DOCK3: variants seen among roughly 807,000 people sequenced by gnomAD.
The protein encoded by DOCK3 is dedicator of cytokinesis 3, also known as dedicator of cytokinesis protein 3.
Under a neutral mutation model 265.6 loss-of-function variants are expected in DOCK3, and 60 were observed. The observed-to-expected ratio is 0.23, with a 90% CI of 0.18 to 0.28. The LOEUF (loss-of-function observed/expected upper bound fraction) is 0.28, where lower values mean the gene tolerates loss of function less well. Among genes scored for constraint, DOCK3 ranks in the 10% least tolerant of loss-of-function variants. The pLI is 1.00. For missense variants in DOCK3, 1,981 were observed against 2,594.3 expected (o/e 0.76, Z 5.14); for synonymous variants, 881 against 938.0 (o/e 0.94, Z 1.11).
At chr3:51,002,883 T>C (rs1272421519) in intron 5 of DOCK3, among the ~76,000 whole-genome samples, 1 of 152,226 alleles carries the variant, frequency 6.6e-6, no homozygotes, top group Non-Finnish European at 1.5e-5. Context: ...CTCAAAGTAT[T>C]TGAAAAGAAA....
chr3:50,928,863 C>T (rs765224745), intron 4 of DOCK3, among the ~76,000 whole-genome samples: 4 of 152,104 alleles, frequency 2.6e-5, no homozygotes, highest in Admixed American at 6.5e-5. Flanking sequence ...ACTTTGGGTA[C>T]CTGTATAACC....
At chr3:50,685,420 T>G (rs1176240130) in intron 1 of DOCK3, 1 of 152,684 alleles carries the variant, frequency 6.5e-6, no homozygotes, top group Non-Finnish European at 1.5e-5. Flanking sequence ...TTCCACTTCT[T>G]GAGTATCAGT....
chr3:51,092,810 C>T (rs1182914725), intron 9 of DOCK3, among the ~76,000 whole-genome samples: 3 of 152,016 alleles, frequency 2.0e-5, no homozygotes, highest in Admixed American at 1.3e-4. Flanking sequence ...AGCTTCCAGA[C>T]GAAAGAACAG....
chr3:51,094,801 T>C (rs1411869015), intron 9 of DOCK3, among the ~76,000 whole-genome samples: 1 of 151,792 alleles, frequency 6.6e-6, no homozygotes, highest in Non-Finnish European at 1.5e-5. Flanking sequence ...TGTGGGAGTC[T>C]AAGTCTCTTT....
intron 19 of DOCK3, among the ~76,000 whole-genome samples, chr3:51,235,712 A>T (rs1406696663): frequency 6.6e-6 from 1 of 152,168 alleles, no homozygotes; most frequent in East Asian, 1.9e-4. Flanking sequence ...GTCCATCAAT[A>T]TTTATTATTC....
intron 5 of DOCK3, among the ~76,000 whole-genome samples, chr3:51,012,975 C>T (rs1190841076): frequency 2.0e-5 from 3 of 152,144 alleles, no homozygotes; most frequent in East Asian, 1.9e-4. Context: ...ACATAGTTCT[C>T]GTGCCATGGT....
At chr3:51,159,475 G>A (rs1404248348) in intron 11 of DOCK3, among the ~76,000 whole-genome samples, 171 bp downstream of exon 11, 2 of 151,944 alleles carry the variant, frequency 1.3e-5, no homozygotes, top group African/African-American at 4.8e-5. Flanking sequence ...ATGGTAGCTT[G>A]GTTTGATATA....
chr3:50,733,797 T>TTC (rs2038384050), intron 1 of DOCK3, among the ~76,000 whole-genome samples: 2 of 151,872 alleles, frequency 1.3e-5, no homozygotes, highest in African/African-American at 2.4e-5. Flanking sequence ...TATTTTTTTT[T>TTC]CTCCTCTTTC....
intron 1 of DOCK3, among the ~76,000 whole-genome samples, chr3:50,768,876 T>C (rs896745658): frequency 6.6e-6 from 1 of 152,220 alleles, no homozygotes; most frequent in Non-Finnish European, 1.5e-5. Flanking sequence ...CCACCAGCAG[T>C]GTATGAGAGT....
At chr3:51,327,001 G>A (rs2084172697) in intron 32 of DOCK3, among the ~76,000 whole-genome samples, 1 of 152,082 alleles carries the variant, frequency 6.6e-6, no homozygotes, top group African/African-American at 2.4e-5. Flanking sequence ...CATTTTCTTA[G>A]GTAAATTTCT....
chr3:51,224,254 C>A (rs575540697), intron 14 of DOCK3, among the ~76,000 whole-genome samples: 1 of 152,258 alleles, frequency 6.6e-6, no homozygotes, highest in Admixed American at 6.5e-5. Context: ...ATTTTGAGAA[C>A]CTTCATTATG....
At chr3:51,268,203 A>G (rs2080303233) in intron 23 of DOCK3, among the ~76,000 whole-genome samples, 1 of 152,200 alleles carries the variant, frequency 6.6e-6, no homozygotes, top group Admixed American at 6.5e-5. Context: ...CAGTATGGGA[A>G]GAAAATTTGC....
At chr3:50,960,943 C>T (rs369973536) in intron 5 of DOCK3, among the ~76,000 whole-genome samples, 9 of 152,194 alleles carry the variant, frequency 5.9e-5, no homozygotes, top group Middle Eastern at 3.4e-3. Flanking sequence ...ATTCTTTCCC[C>T]GCATTGAGTT....
intron 46 of DOCK3, among the ~76,000 whole-genome samples, chr3:51,358,541 C>T (rs1560499616): frequency 6.6e-6 from 1 of 152,184 alleles, no homozygotes; most frequent in African/African-American, 2.4e-5. Context: ...GTTCTCTTTT[C>T]CCTCTTTTTA....
At chr3:51,362,447 C>T in intron 48 of DOCK3, 80 bp from the exon 49 acceptor site, 1 of 1,572,784 alleles carries the variant, frequency 6.4e-7, no homozygotes, top group Non-Finnish European at 8.7e-7. Flanking sequence ...CACCTCAGGG[C>T]ATGAAAAAGC....
chr3:50,709,067 AG>A (rs2036592838), intron 1 of DOCK3, among the ~76,000 whole-genome samples: 1 of 152,224 alleles, frequency 6.6e-6, no homozygotes, highest in Non-Finnish European at 1.5e-5. Flanking sequence ...TGTGATACCA[AG>A]ATGCAGTGGA....
chr3:51,195,774 C>G (rs1452061731), intron 12 of DOCK3, among the ~76,000 whole-genome samples: 1 of 152,026 alleles, frequency 6.6e-6, no homozygotes, highest in Non-Finnish European at 1.5e-5. Flanking sequence ...GTTTAGGACT[C>G]TCATGAGAAT....
At chr3:51,057,591 T>C (rs1203628981) in intron 5 of DOCK3, among the ~76,000 whole-genome samples, 2 of 152,228 alleles carry the variant, frequency 1.3e-5, no homozygotes, top group Non-Finnish European at 2.9e-5. Flanking sequence ...TCAGCTGTTT[T>C]GTGGCATCAG....
At chr3:50,732,256 G>A (rs1262048743) in intron 1 of DOCK3, among the ~76,000 whole-genome samples, 1 of 152,146 alleles carries the variant, frequency 6.6e-6, no homozygotes, top group Non-Finnish European at 1.5e-5. Flanking sequence ...GGGCCTGTTG[G>A]GTGGTGGGGC....
Sources: allele counts gnomAD v4.1 joint callset (sites outside exome capture counted in the v4.1 genomes callset), GRCh38; gene constraint gnomAD v4.1.1; transcripts MANE v1.5; gene names NCBI Gene and HGNC (gene_info 2026-07-23, HGNC 2026-07-21).